SPOCK3: variants seen among roughly 807,000 people sequenced by gnomAD.
The protein encoded by SPOCK3 is testican-3.
SPOCK3 carries 30 observed loss-of-function variants against 56.6 expected under a neutral mutation model. That is an observed-to-expected ratio of 0.53 (90% CI 0.40 to 0.72). The LOEUF (loss-of-function observed/expected upper bound fraction) is 0.72. Ranked by LOEUF, SPOCK3 falls within the 30% of genes least tolerant of loss-of-function variation. The pLI is 0.00. For synonymous variants in SPOCK3, 196 were observed against 183.3 expected (o/e 1.07, Z -0.56); for missense variants, 527 against 530.0 (o/e 0.99, Z 0.06).
intron 6 of SPOCK3, among the ~76,000 whole-genome samples, chr4:166,817,604 T>G (rs932727718): frequency 2.6e-5 from 4 of 152,094 alleles, no homozygotes; most frequent in African/African-American, 4.8e-5. Flanking sequence ...TGTCCCCTGG[T>G]CAACACTTCC....
At chr4:166,943,168 G>C (rs1193623361) in intron 4 of SPOCK3, among the ~76,000 whole-genome samples, 1 of 152,190 alleles carries the variant, frequency 6.6e-6, no homozygotes, top group Non-Finnish European at 1.5e-5. Flanking sequence ...AAATTCTAGT[G>C]CTGAGAATTT....
intron 7 of SPOCK3, among the ~76,000 whole-genome samples, chr4:166,767,027 TG>T (rs1185906007): frequency 6.6e-6 from 1 of 152,212 alleles, no homozygotes; most frequent in Non-Finnish European, 1.5e-5. Flanking sequence ...GTGGGATCGG[TG>T]GTGATATCCC....
chr4:167,149,430 T>A (rs1764223280), intron 2 of SPOCK3, among the ~76,000 whole-genome samples: 1 of 152,098 alleles, frequency 6.6e-6, no homozygotes, highest in Non-Finnish European at 1.5e-5. Flanking sequence ...CTGTGAAGTC[T>A]TCATGAGGGA....
chr4:167,007,949 T>A (rs889567616), intron 3 of SPOCK3, among the ~76,000 whole-genome samples: 1 of 152,072 alleles, frequency 6.6e-6, no homozygotes, highest in African/African-American at 2.4e-5. Flanking sequence ...TCAAGAGGAT[T>A]TATGAAAGAA....
At chr4:167,225,762 C>A (rs1412749460) in intron 2 of SPOCK3, among the ~76,000 whole-genome samples, 1 of 149,986 alleles carries the variant, frequency 6.7e-6, no homozygotes, top group African/African-American at 2.5e-5. Context: ...TGCCAGTAAT[C>A]TCGCATGTTA....
intron 7 of SPOCK3, among the ~76,000 whole-genome samples, chr4:166,779,420 A>G (rs562965010): frequency 2.6e-5 from 4 of 152,300 alleles, no homozygotes; most frequent in Admixed American, 2.0e-4. Flanking sequence ...TAATAATTGC[A>G]ACAATAGAAA....
chr4:166,903,140 T>C (rs540825675), intron 5 of SPOCK3, among the ~76,000 whole-genome samples: 290 of 147,508 alleles, frequency 2.0e-3, no homozygotes, highest in Middle Eastern at 3.6e-3. Flanking sequence ...AAATTATAAA[T>C]AATTTATAAT....
chr4:166,983,871 A>T (rs561775684), intron 4 of SPOCK3, among the ~76,000 whole-genome samples: 20 of 152,168 alleles, frequency 1.3e-4, no homozygotes, highest in African/African-American at 4.3e-4. Flanking sequence ...GGGTAGTACC[A>T]TGTCTTACAG....
chr4:167,132,156 T>C (rs928895405), intron 2 of SPOCK3, among the ~76,000 whole-genome samples: 3 of 152,226 alleles, frequency 2.0e-5, no homozygotes, highest in Non-Finnish European at 4.4e-5. Flanking sequence ...ATAAATGATG[T>C]CATATCCACT....
At chr4:166,764,515 T>A (rs1737709316) in intron 7 of SPOCK3, among the ~76,000 whole-genome samples, 4 of 152,184 alleles carry the variant, frequency 2.6e-5, no homozygotes, top group Admixed American at 2.0e-4. Flanking sequence ...ATAAAGGACA[T>A]GAACTCATCC....
intron 6 of SPOCK3, among the ~76,000 whole-genome samples, chr4:166,841,692 C>T (rs1484572591): frequency 6.6e-6 from 1 of 152,104 alleles, no homozygotes; most frequent in Non-Finnish European, 1.5e-5. Context: ...AGTAATATTA[C>T]AAATCTTCCC....
intron 2 of SPOCK3, among the ~76,000 whole-genome samples, chr4:167,165,892 G>T (rs1032874545): frequency 4.0e-5 from 6 of 151,670 alleles, no homozygotes; most frequent in Non-Finnish European, 7.4e-5. Flanking sequence ...GTGAACTAAA[G>T]AAATATAATC....
intron 3 of SPOCK3, among the ~76,000 whole-genome samples, chr4:167,030,334 A>G (rs762742613): frequency 2.0e-5 from 3 of 152,046 alleles, no homozygotes; most frequent in Non-Finnish European, 4.4e-5. Context: ...CAAGATAAAC[A>G]TTATTTTTTA....
At chr4:167,030,264 T>C (rs1752144857) in intron 3 of SPOCK3, among the ~76,000 whole-genome samples, 1 of 152,114 alleles carries the variant, frequency 6.6e-6, no homozygotes, top group Admixed American at 6.6e-5. Flanking sequence ...TCTCATTTCA[T>C]TTTTACTTGC....
chr4:167,003,456 T>C (rs1398897083), intron 3 of SPOCK3, among the ~76,000 whole-genome samples: 2 of 152,184 alleles, frequency 1.3e-5, no homozygotes. Flanking sequence ...TAAATACAGA[T>C]GCCTAAGATT....
In SPOCK3 at chr4:166,754,670, G is replaced by T. The variant is rs754242440; in HGVS notation, c.769C>A (p.Leu257Ile). ...KDSLGWMFNR[L>I]DTNYDLLLDQ... ...AATAGCAGGTCATAGTTTGTATCAA[G>T]TCTGTTAAACATCCAGCCAAGTGAG... The change falls in exon 8 of 11, where the codon CTT becomes ATT. Residue 257 changes from leucine to isoleucine, a missense_variant. Coordinates refer to ENST00000357545, the MANE Select transcript of SPOCK3 (RefSeq NM_001040159.2). The T allele has an allele frequency of 6.2e-7, 1 of 1,613,702 alleles. No homozygotes were observed. The highest frequency in any genetic ancestry group is 8.5e-7 in the Non-Finnish European group (1 of 1,179,736).
intron 5 of SPOCK3, among the ~76,000 whole-genome samples, chr4:166,905,753 C>T (rs1280525570): frequency 1.3e-5 from 2 of 151,716 alleles, no homozygotes; most frequent in African/African-American, 2.4e-5. Context: ...CAAAACATTA[C>T]TAGAAATAAT....
At chr4:167,192,149 G>A (rs1322994009) in intron 2 of SPOCK3, among the ~76,000 whole-genome samples, 2 of 145,510 alleles carry the variant, frequency 1.4e-5, no homozygotes, top group Admixed American at 7.1e-5. Context: ...CATAGTATAT[G>A]GTCCTTTTCA....
intron 7 of SPOCK3, among the ~76,000 whole-genome samples, chr4:166,772,747 T>G (rs927278849): frequency 6.6e-6 from 1 of 152,096 alleles, no homozygotes; most frequent in Non-Finnish European, 1.5e-5. Context: ...GAATTCAGAT[T>G]CCTAGATATG....
Sources: gnomAD v4.1 joint callset for allele counts (sites outside exome capture counted in the v4.1 genomes callset) on GRCh38, gnomAD v4.1.1 for gene constraint, MANE v1.5 for transcripts, NCBI Gene and HGNC (gene_info 2026-07-23, HGNC 2026-07-21) for gene names.